Variants in LAMA3 observed in about 807,000 individuals in gnomAD.
The protein encoded by LAMA3 is laminin subunit alpha-3.
Under a neutral mutation model 402.0 loss-of-function variants are expected in LAMA3, and 281 were observed. The observed-to-expected ratio is 0.70, with a 90% CI of 0.63 to 0.77. LAMA3 has a LOEUF of 0.77. Among genes scored for constraint, LAMA3 ranks in the 30% least tolerant of loss-of-function variants. The pLI, the probability that LAMA3 is intolerant of heterozygous loss-of-function variation, is 0.00. For missense variants in LAMA3, 3,840 were observed against 4,215.5 expected, an observed-to-expected ratio of 0.91 and a Z score of 2.47; for synonymous variants, 1,431 against 1,558.4, an observed-to-expected ratio of 0.92 and a Z score of 1.93.
intron 12 of LAMA3, among the ~76,000 whole-genome samples, chr18:23,787,811 A>G (rs755071854): frequency 6.6e-6 from 1 of 152,214 alleles, no homozygotes; most frequent in Non-Finnish European, 1.5e-5. Flanking sequence ...CTTATAAGAA[A>G]TAATAGACAT....
chr18:23,933,266 A>C (rs1568362003), intron 66 of LAMA3, among the ~76,000 whole-genome samples: 2 of 152,164 alleles, frequency 1.3e-5, no homozygotes. Flanking sequence ...GCCCTCCCAC[A>C]ATTCTGCCAC....
intron 41 of LAMA3, among the ~76,000 whole-genome samples, chr18:23,887,977 G>A (rs2080497105): frequency 6.6e-6 from 1 of 152,216 alleles, no homozygotes; most frequent in Non-Finnish European, 1.5e-5. Context: ...CAAGAGTAAG[G>A]AAGAAGTAGA....
At chr18:23,895,555 A>G (rs576366140) in intron 44 of LAMA3, among the ~76,000 whole-genome samples, 3 of 152,178 alleles carry the variant, frequency 2.0e-5, no homozygotes, top group African/African-American at 4.8e-5. Context: ...ATAATATGTC[A>G]ATTTCATCTA....
intron 12 of LAMA3, among the ~76,000 whole-genome samples, chr18:23,791,111 C>A (rs987985300): frequency 6.6e-6 from 1 of 152,050 alleles, no homozygotes; most frequent in Non-Finnish European, 1.5e-5. Flanking sequence ...CTCCTGACCT[C>A]GTGATCCGCC....
intron 24 of LAMA3, chr18:23,834,846 A>T (rs192449238): frequency 1.1e-4 from 16 of 152,354 alleles, no homozygotes; most frequent in African/African-American, 3.8e-4. Context: ...AACTTATCCA[A>T]AGAGTTACTT....
In LAMA3 at chr18:23,884,821, C is replaced by T. The variant is rs774968902; in HGVS notation, c.5271C>T (p.Cys1757=). 2.5e-6 allele frequency: 4 copies of T among 1,613,568 alleles called. No homozygotes were observed. The highest frequency in any genetic ancestry group is 3.4e-6 in the Non-Finnish European group (4 of 1,179,876). Residue 1757 remains cysteine, a synonymous_variant, in exon 41 of 75, where the codon TGC becomes TGT. Transcript: ENST00000313654. ...ATGGGGGAGACGTGCGGTGCTCCTGCAAAGCTGGGTACACAGGAACACAGT... is the reference window on the plus strand; with the variant it reads ...ATGGGGGAGACGTGCGGTGCTCCTGTAAAGCTGGGTACACAGGAACACAGT... The part of the protein sequence containing the change: ...VVNGGDVRCS[C]KAGYTGTQCE...
chr18:23,759,629 A>G (rs1598735995), intron 7 of LAMA3, among the ~76,000 whole-genome samples: 1 of 151,754 alleles, frequency 6.6e-6, no homozygotes, highest in Non-Finnish European at 1.5e-5. Flanking sequence ...CTGGTCTTGA[A>G]CTCCTAGCCT....
intron 38 of LAMA3, among the ~76,000 whole-genome samples, chr18:23,873,985 T>C (rs549823766): frequency 6.6e-6 from 1 of 152,328 alleles, no homozygotes; most frequent in Admixed American, 6.5e-5. Context: ...TTTTGCTTGC[T>C]TTATAAGAGG....
chr18:23,789,816 A>G (rs909568192), intron 12 of LAMA3, among the ~76,000 whole-genome samples: 7 of 152,236 alleles, frequency 4.6e-5, no homozygotes, highest in African/African-American at 1.7e-4. Flanking sequence ...AGTGAATTGT[A>G]TGGTATATGA....
intron 35 of LAMA3, among the ~76,000 whole-genome samples, chr18:23,864,548 G>T (rs2064305075): frequency 1.3e-5 from 2 of 152,134 alleles, no homozygotes; most frequent in South Asian, 2.1e-4. Context: ...TTTAATAAAG[G>T]TATCTTCTTG....
intron 59 of LAMA3, among the ~76,000 whole-genome samples, chr18:23,915,632 CTAGA>C: frequency 6.6e-6 from 1 of 152,100 alleles, no homozygotes; most frequent in Admixed American, 6.5e-5. Flanking sequence ...GTATGAAATG[CTAGA>C]TAGTTTTCTC....
intron 1 of LAMA3, among the ~76,000 whole-genome samples, chr18:23,700,235 T>C (rs1021680522): frequency 2.0e-5 from 3 of 152,188 alleles, no homozygotes; most frequent in Admixed American, 2.0e-4. Context: ...TTGCTTTTGC[T>C]TCGCACTGAA....
Position 23,915,337 on chromosome 18 carries a change from G to A in LAMA3, c.7693G>A (p.Asp2565Asn). The change falls in exon 59 of 75, where the codon GAT becomes AAT. Residue 2565 changes from aspartate to asparagine, a missense_variant. Physicochemically the swap from Asp to Asn is conservative, Grantham distance 23. Around this residue, in one of 3 missense-constraint regions of LAMA3, gnomAD observed 840 missense variants for 981.9 expected, o/e 0.86. Coordinates refer to ENST00000313654, the MANE Select transcript of LAMA3 (RefSeq NM_198129.4). ...TCCATACAAAGGTTGTATTGAATTA[G>A]ATGACCTCAATGAAAATGTTCTGAG... ...FPPYKGCIELDDLNENVLSLY... is the reference protein window; with the variant it reads ...FPPYKGCIELNDLNENVLSLY... 1 of 1,613,150 alleles carries A rather than the reference G, an allele frequency of 6.2e-7. No homozygotes were observed. The highest frequency in any genetic ancestry group is 2.2e-5 in the East Asian group (1 of 44,862).
At position 23,905,539 on chromosome 18, in the gene LAMA3, T is replaced by C. The variant is rs1172061860; in HGVS notation, c.6633T>C (p.Asp2211=). ...ESALQTVIKE[D]LPRKAKTLSS... Reference sequence around the variant, plus strand: ...GCTTTCAGACAGTGATAAAGGAAGATCTGCCAAGAAAAGCTAAAACCCTGA... The same window carrying C: ...GCTTTCAGACAGTGATAAAGGAAGACCTGCCAAGAAAAGCTAAAACCCTGA... Residue 2211 remains aspartate, a synonymous_variant, in exon 52 of 75, where the codon GAT becomes GAC. Coordinates refer to ENST00000313654, the MANE Select transcript of LAMA3 (RefSeq NM_198129.4). 31 of 1,604,154 alleles carry C rather than the reference T, an allele frequency of 1.9e-5. No homozygotes were observed. The highest frequency in any genetic ancestry group is 2.6e-5 in the Non-Finnish European group (31 of 1,171,590).
chr18:23,757,219 G>C (rs917261438), intron 6 of LAMA3, among the ~76,000 whole-genome samples: 13 of 152,028 alleles, frequency 8.6e-5, no homozygotes, highest in Admixed American at 2.0e-4. Context: ...CGGCAGGCTG[G>C]TTCCACCTTA....
Position 23,916,612 on chromosome 18 carries a change from C to A in LAMA3, c.7840C>A (p.Gln2614Lys), listed in dbSNP as rs1376694679. ...TACGGGCTATGCTCGAGTTCCAACT[C>A]AACCACATGCTCCCATCCCAACCTT... The part of the protein sequence containing the change: ...EGTGYARVPT[Q>K]PHAPIPTFGQ... Residue 2614 changes from glutamine to lysine, a missense_variant, in exon 60 of 75, where the codon CAA (glutamine) becomes AAA (lysine). By Grantham distance (53) the Gln-to-Lys change is moderately conservative. This residue lies in a region of LAMA3 where 840 missense variants were observed against 981.9 expected (regional missense o/e 0.86). Coordinates refer to ENST00000313654, the MANE Select transcript of LAMA3 (RefSeq NM_198129.4). The A allele has an allele frequency of 6.2e-7, 1 of 1,614,098 alleles. No homozygotes were observed. The highest frequency in any genetic ancestry group is 1.7e-5 in the Admixed American group (1 of 60,022).
intron 9 of LAMA3, among the ~76,000 whole-genome samples, chr18:23,774,471 G>A (rs796116028): frequency 8.5e-5 from 13 of 152,256 alleles, no homozygotes; most frequent in African/African-American, 3.1e-4. Context: ...TTTAGGCTAG[G>A]TGACAAAACC....
At chr18:23,823,183 A>G (rs780446197) in intron 20 of LAMA3, among the ~76,000 whole-genome samples, 1 of 152,216 alleles carries the variant, frequency 6.6e-6, no homozygotes, top group Non-Finnish European at 1.5e-5. Flanking sequence ...TGAATGAACT[A>G]GCAGGCTTAC....
chr18:23,925,630 C>A (rs2014437), intron 62 of LAMA3, among the ~76,000 whole-genome samples: 8 of 152,008 alleles, frequency 5.3e-5, no homozygotes, highest in Non-Finnish European at 1.5e-5. Context: ...CCAAAGTATA[C>A]ATAAATACCC....
Sources: gnomAD v4.1 joint callset for allele counts (sites outside exome capture counted in the v4.1 genomes callset) on GRCh38, gnomAD v4.1.1 for gene constraint, gnomAD v4.1.1 regional missense constraint, MANE v1.5 for transcripts, NCBI Gene and HGNC (gene_info 2026-07-23, HGNC 2026-07-21) for gene names.